PHLDB3: variants seen among roughly 807,000 people sequenced by gnomAD.
The protein encoded by PHLDB3 is pleckstrin homology-like domain family B member 3.
In PHLDB3, 86 loss-of-function variants were observed where a neutral mutation model predicts 85.7. The ratio of observed to expected loss-of-function variants is 1.00; its 90% CI spans 0.84 to 1.20. The LOEUF is 1.20. Ranked by LOEUF, PHLDB3 falls within the 50% of genes most tolerant of loss-of-function variation. PHLDB3 has a pLI of 0.00. For synonymous variants in PHLDB3, 376 were observed against 349.8 expected, an observed-to-expected ratio of 1.07 and a Z score of -0.83; for missense variants, 995 against 873.0, an observed-to-expected ratio of 1.14 and a Z score of -1.76.
Position 43,475,306 on chromosome 19 carries a change from G to T in PHLDB3, c.*104C>A. ...GCGGAATTCCCGGGAGAGTTCCAAA[G>T]CGGTGCGTCCAAGTTTTCCGGCAGT... is the stretch of plus-strand genomic sequence containing the variant. On this transcript the variant is annotated 3_prime_UTR_variant, in exon 16 of 16. Coordinates refer to ENST00000292140, the MANE Select transcript of PHLDB3 (RefSeq NM_198850.4). 1 of 1,449,152 alleles carries T rather than the reference G, an allele frequency of 6.9e-7. No individual in the cohort carries two copies. The highest frequency in any genetic ancestry group is 9.3e-7 in the Non-Finnish European group (1 of 1,072,394). 89.8% of individuals were successfully genotyped at this position (1,449,152 alleles called of 1,614,324 possible). A position where few individuals can be genotyped will look rare whatever the true frequency, so the allele number is the denominator to read the frequency against.
chr19:43,499,896 C>G (rs750058395), intron 4 of PHLDB3, among the ~76,000 whole-genome samples: 1 of 152,090 alleles, frequency 6.6e-6, no homozygotes, highest in Non-Finnish European at 1.5e-5. Flanking sequence ...CCTGCCACCA[C>G]GCCCAGCTAA....
chr19:43,487,241 T>C, intron 9 of PHLDB3, 118 bp from the exon 10 acceptor site: 1 of 814,354 alleles, frequency 1.2e-6, no homozygotes, highest in East Asian at 2.7e-5. Context: ...ACTGTCCATG[T>C]GCTGAGTGAA....
Position 43,503,996 on chromosome 19 carries a change from C to T in PHLDB3, c.123G>A (p.Leu41=). 1 of 1,613,946 alleles carries T rather than the reference C, an allele frequency of 6.2e-7. No individual in the cohort carries two copies. Among genetic ancestry groups the T allele is most frequent in the South Asian group, 1.1e-5 (1 of 91,084 alleles). Residue 41 remains leucine (L), a synonymous_variant, in exon 2 of 16, where the codon CTG becomes CTA. Coordinates refer to ENST00000292140, the MANE Select transcript of PHLDB3 (RefSeq NM_198850.4). ...CTCCCCCGCGGCTCGAAGGTTCCGC[C>T]AGGACTTCGGATGCCTCCTGTTCCC... ...ESREQEASEV[L]AEPSSRGGAE... is the part of the protein sequence containing the mutation.
intron 11 of PHLDB3, 29 bp from the exon 12 acceptor site, chr19:43,486,725 G>A (rs1425213484): frequency 1.2e-6 from 2 of 1,613,418 alleles, no homozygotes; most frequent in Non-Finnish European, 1.7e-6. Flanking sequence ...GACGGGGTGG[G>A]TTACAGTGGC....
intron 2 of PHLDB3, among the ~76,000 whole-genome samples, chr19:43,503,280 GT>G (rs1971661319): frequency 7.0e-6 from 1 of 141,890 alleles, no homozygotes; most frequent in Admixed American, 7.1e-5. Flanking sequence ...TGTCTATCTG[GT>G]CTCTCTCTCT....
At chr19:43,486,238 T>A in intron 13 of PHLDB3, 28 bp downstream of exon 13, 1 of 919,402 alleles carries the variant, frequency 1.1e-6, no homozygotes, top group Non-Finnish European at 1.5e-6. Context: ...CAGGGAGAGG[T>A]GGGCGTGAGG....
At chr19:43,498,549 T>G (rs570880690) in intron 4 of PHLDB3, among the ~76,000 whole-genome samples, 1 of 152,078 alleles carries the variant, frequency 6.6e-6, no homozygotes, top group Non-Finnish European at 1.5e-5. Flanking sequence ...CAAAACATAT[T>G]CATGTTATGT....
chr19:43,495,672 TC>T (rs1307201653), intron 6 of PHLDB3, 52 bp from the exon 7 acceptor site: 1 of 1,563,720 alleles, frequency 6.4e-7, no homozygotes. Context: ...CAGGCCACCC[TC>T]CCACAGAACC....
At chr19:43,496,976 T>A (rs1971471712) in intron 6 of PHLDB3, 142 bp downstream of exon 6, 2 of 1,185,006 alleles carry the variant, frequency 1.7e-6, no homozygotes, top group Non-Finnish European at 1.1e-6. Flanking sequence ...ACATAGTAAA[T>A]GTTTCATTAG....
chr19:43,502,253 C>T lies in PHLDB3; in HGVS notation c.244G>A (p.Ala82Thr). 6.4e-7 allele frequency: 1 copy of T among 1,563,956 alleles called. No homozygotes were observed. Residue 82 changes from alanine to threonine, a missense_variant, in exon 3 of 16, where the codon GCC becomes ACC. Physicochemically the swap from Ala to Thr is moderately conservative, Grantham distance 58. Coordinates refer to ENST00000292140, the MANE Select transcript of PHLDB3 (RefSeq NM_198850.4). The stretch of plus-strand genomic sequence containing the variant: ...GAAGAGGTGGATGCGGGAGGTGTGG[C>T]CGCCATAGCTATCGGAGGCGTAGCC... ...PEATPPIAMA[A>T]TPPASTSSRE...
chr19:43,480,123 T>C (rs1971012743), intron 13 of PHLDB3, among the ~76,000 whole-genome samples: 1 of 150,216 alleles, frequency 6.7e-6, no homozygotes, highest in African/African-American at 2.5e-5. Context: ...AAATTTTTTT[T>C]GGAAAAAAGA....
At chr19:43,486,987 G>A in intron 10 of PHLDB3, 37 bp downstream of exon 10, 2 of 1,504,758 alleles carry the variant, frequency 1.3e-6, no homozygotes, top group Non-Finnish European at 1.8e-6. Context: ...GATGAGTGCT[G>A]ATGTGGGAAG....
chr19:43,495,927 C>T (rs1284996795), intron 6 of PHLDB3: 1 of 285,194 alleles, frequency 3.5e-6, no homozygotes, highest in Non-Finnish European at 6.5e-6. Flanking sequence ...AGAACAGAGA[C>T]AAGTAGAGAC....
At chr19:43,503,441 T>C (rs1206938893) in intron 2 of PHLDB3, among the ~76,000 whole-genome samples, 1 of 152,138 alleles carries the variant, frequency 6.6e-6, no homozygotes, top group Non-Finnish European at 1.5e-5. Flanking sequence ...TAGCTGGGAT[T>C]ACAGGCACGC....
At chr19:43,482,939 C>T (rs1172927136) in intron 13 of PHLDB3, among the ~76,000 whole-genome samples, 2 of 152,198 alleles carry the variant, frequency 1.3e-5, no homozygotes, top group Non-Finnish European at 2.9e-5. Flanking sequence ...CAGCCTCTGA[C>T]ATGCTATTTA....
At chr19:43,503,823 C>T in intron 2 of PHLDB3, 83 bp downstream of exon 2, 1 of 1,526,398 alleles carries the variant, frequency 6.6e-7, no homozygotes, top group South Asian at 1.2e-5. Context: ...TTCTGGTTTC[C>T]CTCTACCTGT....
chr19:43,498,903 G>A (rs2145946050), intron 4 of PHLDB3, among the ~76,000 whole-genome samples: 1 of 152,304 alleles, frequency 6.6e-6, no homozygotes, highest in South Asian at 2.1e-4. Flanking sequence ...TCCAGCCAGG[G>A]TGGAAGAGGA....
rs778582535 is a variant in PHLDB3, at chr19:43,486,804, A to T, written c.1316T>A (p.Leu439Gln). The change falls in exon 11 of 16, where the codon CTG (leucine) becomes CAG (glutamine). Residue 439 changes from leucine (L) to glutamine (Q), a missense_variant. Leu to Gln is a moderately radical substitution (Grantham distance 113). Coordinates refer to ENST00000292140, the MANE Select transcript of PHLDB3 (RefSeq NM_198850.4). ...GDSGRYPLYQ[L>Q]LNCGRGNSCG... is the part of the protein sequence containing the mutation. ...CCTATTCCCACGGCCACAGTTCAGCAGCTGGTAGAGGGGGTATCTGCCGGA... is the reference window on the plus strand; with the variant it reads ...CCTATTCCCACGGCCACAGTTCAGCTGCTGGTAGAGGGGGTATCTGCCGGA... The T allele has an allele frequency of 1.0e-5, 16 of 1,596,660 alleles. No individual in the cohort carries two copies. In the South Asian group the frequency reaches 1.6e-4, roughly 16 times the overall value.
chr19:43,475,406 C>A lies in PHLDB3; in HGVS notation c.*4G>T, dbSNP rs774045778. On this transcript the variant is annotated 3_prime_UTR_variant, in exon 16 of 16. Transcript: ENST00000292140. The stretch of plus-strand genomic sequence containing the variant: ...GGGACTTCCCCCCAAGAGGGCGGGG[C>A]CACTCAGGGGGCGTGGTTTTCGTCA... The A allele has an allele frequency of 1.2e-6, 2 of 1,613,554 alleles. No individual in the cohort carries two copies. Among genetic ancestry groups the A allele is most frequent in the Non-Finnish European group, 1.7e-6 (2 of 1,179,664 alleles).
Sources: gnomAD v4.1 joint callset for allele counts (sites outside exome capture counted in the v4.1 genomes callset) on GRCh38, gnomAD v4.1.1 for gene constraint, MANE v1.5 for transcripts, NCBI Gene and HGNC (gene_info 2026-07-23, HGNC 2026-07-21) for gene names.